The following TBC1D1 variants were observed in gnomAD, a reference collection of about 807,000 sequenced individuals.
TBC1D1 encodes the protein TBC1 (tre-2/USP6, BUB2, cdc16) domain family, member 1.
TBC1D1 carries 89 observed loss-of-function variants against 125.6 expected under a neutral mutation model. That is an observed-to-expected ratio of 0.71 (90% CI 0.60 to 0.85). TBC1D1 has a LOEUF of 0.85. TBC1D1 is among the 40% of genes least tolerant of loss of function. The probability of loss-of-function intolerance (pLI) is 0.00; values close to 1 mark genes in which losing one functional copy is unlikely to be tolerated. For synonymous variants in TBC1D1, 565 were observed against 564.1 expected (o/e 1.00, Z -0.02); for missense variants, 1,377 against 1,469.2 (o/e 0.94, Z 1.03).
intron 11 of TBC1D1, chr4:38,052,016 A>ACATAATTC: frequency 6.4e-7 from 1 of 1,551,034 alleles, no homozygotes; most frequent in South Asian, 1.2e-5. Flanking sequence ...AGTACCTAAA[A>ACATAATTC]CATAATTCCA....
intron 2 of TBC1D1, among the ~76,000 whole-genome samples, chr4:37,937,786 C>T (rs924704645): frequency 6.6e-6 from 1 of 152,138 alleles, no homozygotes; most frequent in Admixed American, 6.5e-5. Context: ...TCTGAAGCCT[C>T]GGCCATGTGT....
intron 9 of TBC1D1, 101 bp from the exon 10 acceptor site, chr4:38,045,711 GATAAC>G (rs1749314592): frequency 1.3e-6 from 1 of 748,798 alleles, no homozygotes; most frequent in African/African-American, 1.7e-5. Context: ...TTTCTCAGTA[GATAAC>G]ATTTTTTTCC....
chr4:38,133,117 G>A lies in TBC1D1; in HGVS notation c.3166G>A (p.Ala1056Thr), dbSNP rs1204235035. The stretch of plus-strand genomic sequence containing the variant: ...AATGGACATCGCTAAACAGTTACAA[G>A]CTTATGAAGTTGAGTACCACGTCCT... The change falls in exon 19 of 20, where the codon GCT becomes ACT. Residue 1056 changes from alanine (A) to threonine (T), a missense_variant. Around this residue, in one of 3 missense-constraint regions of TBC1D1, gnomAD observed 543 missense variants for 613.5 expected, o/e 0.89. Coordinates refer to ENST00000261439, the MANE Select transcript of TBC1D1 (RefSeq NM_015173.4). 6.2e-7 allele frequency: 1 copy of A among 1,613,990 alleles called. No individual in the cohort carries two copies. Among genetic ancestry groups the A allele is most frequent in the Non-Finnish European group, 8.5e-7 (1 of 1,180,012 alleles).
intron 16 of TBC1D1, among the ~76,000 whole-genome samples, chr4:38,116,443 AC>A (rs1452682064): frequency 6.6e-6 from 1 of 152,208 alleles, no homozygotes; most frequent in African/African-American, 2.4e-5. Context: ...CACCTTGGGC[AC>A]ACTGCGTCAC....
chr4:38,127,459 A>G (rs1336035583), intron 18 of TBC1D1, among the ~76,000 whole-genome samples: 1 of 143,504 alleles, frequency 7.0e-6, no homozygotes, highest in Non-Finnish European at 1.5e-5. Flanking sequence ...ATCTTGGCTC[A>G]CTGCAACCTC....
At chr4:37,954,418 G>T (rs1459927506) in intron 2 of TBC1D1, among the ~76,000 whole-genome samples, 2 of 151,482 alleles carry the variant, frequency 1.3e-5, no homozygotes, top group South Asian at 2.1e-4. Flanking sequence ...TGCCTACTAT[G>T]TGCCAACTCA....
At chr4:37,917,748 C>G (rs1443223497) in intron 2 of TBC1D1, among the ~76,000 whole-genome samples, 1 of 152,170 alleles carries the variant, frequency 6.6e-6, no homozygotes, top group Admixed American at 6.5e-5. Flanking sequence ...CAGAATAACC[C>G]TTGCTGCTAT....
chr4:37,988,777 C>T (rs771686075), intron 2 of TBC1D1, among the ~76,000 whole-genome samples: 12 of 152,108 alleles, frequency 7.9e-5, no homozygotes, highest in East Asian at 1.9e-4. Flanking sequence ...ACCGATGGAC[C>T]GCCCCCTCCT....
At chr4:38,039,204 G>A (rs565716436) in intron 8 of TBC1D1, among the ~76,000 whole-genome samples, 4 of 122,022 alleles carry the variant, frequency 3.3e-5, no homozygotes, top group Non-Finnish European at 6.5e-5. Flanking sequence ...TGCAAGCCCC[G>A]CCTCCCAAGT....
intron 2 of TBC1D1, among the ~76,000 whole-genome samples, chr4:37,980,104 G>A (rs1257024283): frequency 4.6e-5 from 7 of 152,208 alleles, no homozygotes; most frequent in Admixed American, 2.0e-4. Context: ...TTTCTTGCAC[G>A]ATGCATTAGT....
intron 1 of TBC1D1, among the ~76,000 whole-genome samples, chr4:37,901,286 A>C (rs186694183): frequency 6.6e-6 from 1 of 151,964 alleles, no homozygotes; most frequent in East Asian, 2.0e-4. Flanking sequence ...CCTCCTGAGT[A>C]GCTGGGATTA....
intron 10 of TBC1D1, among the ~76,000 whole-genome samples, chr4:38,047,434 A>G: frequency 6.6e-6 from 1 of 152,196 alleles, no homozygotes; most frequent in East Asian, 1.9e-4. Flanking sequence ...GGTCCTAGAC[A>G]GCAGTCTTGT....
intron 2 of TBC1D1, among the ~76,000 whole-genome samples, chr4:37,922,994 A>T (rs1424882331): frequency 6.6e-6 from 1 of 152,042 alleles, no homozygotes; most frequent in Admixed American, 6.6e-5. Context: ...TCTTGGATAC[A>T]TGTGCAGAAT....
Position 37,935,807 on chromosome 4 carries a change from C to G in TBC1D1, c.417+33295C>G, listed in dbSNP as rs1560499598. On this transcript the variant is annotated intron_variant, in intron 2 of 19. Coordinates refer to ENST00000261439, the MANE Select transcript of TBC1D1 (RefSeq NM_015173.4). The stretch of plus-strand genomic sequence containing the variant: ...TCTTACCTTCGCCATTATCCTACCC[C>G]TCCCAATGGCTTACATCTCCTGGCC... 2.6e-5 allele frequency among the ~76,000 whole-genome samples: 4 copies of G among 152,218 alleles called. No homozygotes were observed. In the South Asian group the frequency reaches 8.3e-4, roughly 31 times the overall value.
intron 2 of TBC1D1, among the ~76,000 whole-genome samples, chr4:37,974,453 G>A (rs191496033): frequency 1.3e-5 from 2 of 152,268 alleles, no homozygotes; most frequent in African/African-American, 2.4e-5. Context: ...TGCCCAGGCT[G>A]GTCTCGAACT....
chr4:38,005,117 C>A (rs55914145), intron 2 of TBC1D1, among the ~76,000 whole-genome samples: 5 of 152,276 alleles, frequency 3.3e-5, no homozygotes, highest in Non-Finnish European at 7.4e-5. Flanking sequence ...TTCTGTTGAG[C>A]CTAACAACAC....
At chr4:37,967,014 T>A (rs1418207476) in intron 2 of TBC1D1, among the ~76,000 whole-genome samples, 1 of 152,190 alleles carries the variant, frequency 6.6e-6, no homozygotes, top group East Asian at 1.9e-4. Flanking sequence ...AAGGAAAAAA[T>A]TCAAATTGTT....
rs546766120 is a variant in TBC1D1 at position 37,896,254 on chromosome 4, G to A, written c.-94+4906G>A. Among the ~76,000 whole-genome samples the A allele has an allele frequency of 1.1e-3, 170 of 152,282 alleles. 1 individual carries two copies. The highest frequency in any genetic ancestry group is 2.0e-3 in the Non-Finnish European group (133 of 68,028). Reference sequence around the variant, plus strand: ...CCAGCATTCTGAGGAGGTGAGGGCTGAAGCTGCAGAGGCTGTTGTACTGTC... The same window carrying A: ...CCAGCATTCTGAGGAGGTGAGGGCTAAAGCTGCAGAGGCTGTTGTACTGTC... On this transcript the variant is annotated intron_variant, in intron 1 of 19. Transcript: ENST00000261439.
intron 1 of TBC1D1, among the ~76,000 whole-genome samples, chr4:37,901,343 G>T (rs568749931): frequency 2.7e-4 from 41 of 152,044 alleles, no homozygotes; most frequent in Non-Finnish European, 5.0e-4. Context: ...TTTTAGTAGA[G>T]ACGGGGTTTC....
Sources: gnomAD v4.1 joint callset for allele counts (sites outside exome capture counted in the v4.1 genomes callset) on GRCh38, gnomAD v4.1.1 for gene constraint, gnomAD v4.1.1 regional missense constraint, MANE v1.5 for transcripts, NCBI Gene and HGNC (gene_info 2026-07-23, HGNC 2026-07-21) for gene names.